Variants in LMTK3 observed in about 807,000 individuals in gnomAD.
The protein encoded by LMTK3 is serine/threonine-protein kinase LMTK3.
LMTK3 carries 27 observed loss-of-function variants against 116.7 expected under a neutral mutation model. The ratio of observed to expected loss-of-function variants is 0.23; its 90% confidence interval spans 0.17 to 0.32. The LOEUF (loss-of-function observed/expected upper bound fraction) is 0.32. LMTK3 is among the 10% of genes least tolerant of loss of function. LMTK3 has a pLI of 1.00. For synonymous variants in LMTK3, 965 were observed against 971.0 expected, an observed-to-expected ratio of 0.99 and a Z score of 0.11; for missense variants, 1,764 against 2,068.5, an observed-to-expected ratio of 0.85 and a Z score of 2.86.
rs1277634640 is a variant in LMTK3 at position 48,499,364 on chromosome 19, C to T, written c.1705G>A (p.Ala569Thr). The T allele has an allele frequency of 2.1e-6, 3 of 1,422,766 alleles. No homozygotes were observed. In the Admixed American group the frequency reaches 8.9e-5, roughly 42 times the overall value. The allele number at this position is 1,422,766 out of a possible 1,614,324, so 88.1% of individuals were successfully genotyped here. A position where few individuals can be genotyped will look rare whatever the true frequency, so the allele number is the denominator to read the frequency against. Residue 569 changes from alanine (A) to threonine (T), a missense_variant, in exon 11 of 15, where the codon GCC (alanine) becomes ACC (threonine). This residue lies in a region of LMTK3 where 1,028 missense variants were observed against 1,050.6 expected (regional missense o/e 0.98). Transcript: ENST00000600059. ...PLDPGVPAPQ[A>T]PQAPSEVPQL... ...GGGACCTCGGAGGGGGCCTGGGGGG[C>T]CTGAGGGGCGGGCACTCCTGGGTCC...
Position 48,498,892 on chromosome 19 carries a change from GC to G in LMTK3, c.2176del (p.Ala726ProfsTer132). 8.4e-7 allele frequency: 1 copy of G among 1,186,526 alleles called. No homozygotes were observed. Among genetic ancestry groups the G allele is most frequent in the African/African-American group, 1.6e-5 (1 of 62,078 alleles). 73.5% of individuals were successfully genotyped at this position (1,186,526 alleles called of 1,614,324 possible). On this transcript the variant is annotated frameshift_variant, in exon 11 of 15. Coordinates refer to ENST00000600059, the MANE Select transcript of LMTK3 (RefSeq NM_001388485.1). LOFTEE classifies it high-confidence loss of function. ...GTCCAGAAACTCGGGGGGGGCCGAG[GC>G]GGGGGGGGCCATGGGCAAGTCGGCC... ...SLADLPMAPP[A>X]SAPPEFLDPL...
intron 4 of LMTK3, 63 bp from the exon 5 acceptor site, chr19:48,509,032 G>T: frequency 9.0e-7 from 1 of 1,116,078 alleles, no homozygotes; most frequent in Non-Finnish European, 1.3e-6. Flanking sequence ...CCTGGGACCA[G>T]CTCCACTCCA....
In LMTK3 at chr19:48,489,874, C is replaced by T. The variant is rs145124888; in HGVS notation, c.4366+1234G>A. Among the ~76,000 whole-genome samples the T allele has an allele frequency of 3.3e-5, 5 of 152,300 alleles. No homozygotes were observed. The East Asian group carries it at 9.7e-4, about 29-fold the overall frequency. ...CTACCTTAGCTCTGATACCGGGGAG[C>T]ACCACCTGTCCTGCCGAGCTGGGCA... On this transcript the variant is annotated intron_variant, in intron 14 of 14. Coordinates refer to ENST00000600059, the MANE Select transcript of LMTK3 (RefSeq NM_001388485.1).
At chr19:48,502,397 TTAG>T (rs780292630) in intron 7 of LMTK3, 33 bp downstream of exon 7, 3 of 1,539,374 alleles carry the variant, frequency 1.9e-6, no homozygotes, top group Non-Finnish European at 2.6e-6. Context: ...CCCCTTCCCC[TTAG>T]TAGCTCCTCC....
chr19:48,496,430 C>G (rs1363065603), intron 11 of LMTK3, among the ~76,000 whole-genome samples: 1 of 152,080 alleles, frequency 6.6e-6, no homozygotes, highest in Non-Finnish European at 1.5e-5. Context: ...TTCCGAGTAG[C>G]TGGGATTATA....
At position 48,495,722 on chromosome 19, in the gene LMTK3, G is replaced by A. The variant is rs191033071; in HGVS notation, c.3677-1613C>T. 3.3e-3 allele frequency among the ~76,000 whole-genome samples: 501 copies of A among 152,326 alleles called. 6 individuals are homozygous for A. Among genetic ancestry groups the A allele is most frequent in the African/African-American group, 0.011 (474 of 41,568 alleles). Reference sequence around the variant, plus strand: ...ACTGTTTCCTCAAGTGTGGCTGTGAGGTTGCCAATATAAAACAGGACCCAG... The same window carrying A: ...ACTGTTTCCTCAAGTGTGGCTGTGAAGTTGCCAATATAAAACAGGACCCAG... On this transcript the variant is annotated intron_variant, in intron 11 of 14. Transcript: ENST00000600059.
At position 48,499,321 on chromosome 19, in the gene LMTK3, G is replaced by C. The variant is rs1179201557; in HGVS notation, c.1748C>G (p.Thr583Ser). Residue 583 changes from threonine to serine, a missense_variant, in exon 11 of 15, where the codon ACC (threonine) becomes AGC (serine). This residue lies in a region of LMTK3 where 1,028 missense variants were observed against 1,050.6 expected (regional missense o/e 0.98). Transcript: ENST00000600059. ...PSEVPQLVSE[T>S]WASPLFPAPR... ...CGCAGGGAAGAGGGGGGAGGCCCAG[G>C]TCTCGGACACCAGCTGGGGGACCTC... The C allele has an allele frequency of 1.4e-6, 2 of 1,419,950 alleles. No homozygotes were observed. Among genetic ancestry groups the C allele is most frequent in the Non-Finnish European group, 1.8e-6 (2 of 1,084,716 alleles). 88.0% of individuals were successfully genotyped at this position (1,419,950 alleles called of 1,614,324 possible).
chr19:48,498,087 C>T lies in LMTK3; in HGVS notation c.2982G>A (p.Leu994=). Residue 994 remains leucine, a synonymous_variant, in exon 11 of 15, where the codon CTG becomes CTA. Coordinates refer to ENST00000600059, the MANE Select transcript of LMTK3 (RefSeq NM_001388485.1). ...CCTTGTCCTCGCTCTTTGGGGGTGT[C>T]AGGCCCCCATTCACCAGCACCTTCT... The part of the protein sequence containing the change: ...AGEKVLVNGG[L]TPPKSEDKVS... 1 of 1,613,188 alleles carries T rather than the reference C, an allele frequency of 6.2e-7. No individual in the cohort carries two copies. Among genetic ancestry groups the T allele is most frequent in the Non-Finnish European group, 8.5e-7 (1 of 1,179,820 alleles).
At position 48,498,591 on chromosome 19, in the gene LMTK3, C is replaced by T; in HGVS notation, c.2478G>A (p.Glu826=). 1.9e-6 allele frequency: 3 copies of T among 1,550,648 alleles called. No individual in the cohort carries two copies. The highest frequency in any genetic ancestry group is 2.6e-6 in the Non-Finnish European group (3 of 1,147,328). ...EGVPRPRAPP[E]PPDPGAPRPP... ...GCCGGGGCGCTCCTGGGTCGGGTGG[C>T]TCGGGGGGAGCCCGCGGCCGAGGGA... Residue 826 remains glutamate, a synonymous_variant, in exon 11 of 15, where the codon GAG becomes GAA. Coordinates refer to ENST00000600059, the MANE Select transcript of LMTK3 (RefSeq NM_001388485.1).
In LMTK3 at chr19:48,497,158, C is replaced by T. The variant is rs1384284039; in HGVS notation, c.3676+235G>A. 1.3e-5 allele frequency among the ~76,000 whole-genome samples: 2 copies of T among 152,204 alleles called. No homozygotes were observed. Among genetic ancestry groups the T allele is most frequent in the Non-Finnish European group, 2.9e-5 (2 of 68,038 alleles). On this transcript the variant is annotated intron_variant, in intron 11 of 14. Coordinates refer to ENST00000600059, the MANE Select transcript of LMTK3 (RefSeq NM_001388485.1). The surrounding 1 kb of genome is among the most constrained non-coding windows in gnomAD (Gnocchi z 5.7). ...GCAACCCTATGACGTAGGTTCTATC[C>T]CTGCCATCCGTTTTTGGCAGATGGG...
rs137918767 is a variant in LMTK3 at position 48,510,663 on chromosome 19, C to G, written c.77-71G>C. The G allele has an allele frequency of 2.9e-3, 4,226 of 1,457,842 alleles. 9 individuals are homozygous for G. Among genetic ancestry groups the G allele is most frequent in the Non-Finnish European group, 3.5e-3 (3,836 of 1,101,832 alleles). 90.3% of individuals were successfully genotyped at this position (1,457,842 alleles called of 1,614,324 possible). Reference sequence around the variant, plus strand: ...ATACCGGAATCATGCCCCCTCCCGTCCCGGCACGTCTTGGACTACAACTCC... The same window carrying G: ...ATACCGGAATCATGCCCCCTCCCGTGCCGGCACGTCTTGGACTACAACTCC... On this transcript the variant is annotated intron_variant, in intron 1 of 14. Transcript: ENST00000600059.
rs183759176 is a variant in LMTK3 at position 48,502,643 on chromosome 19, G to A, written c.646-62C>T. 7.8e-4 allele frequency: 1,175 copies of A among 1,496,954 alleles called. 13 individuals carry two copies. In the African/African-American group the frequency reaches 0.014, roughly 18 times the overall value. The allele number at this position is 1,496,954 out of a possible 1,614,324, so 92.7% of individuals were successfully genotyped here. A position where few individuals can be genotyped will look rare whatever the true frequency, so the allele number is the denominator to read the frequency against. ...GCTCAGGTCTCCAGCTAGTCGGCCC[G>A]GAGGCTGGAATGGCTTCTGCTGTCA... On this transcript the variant is annotated intron_variant, in intron 6 of 14. Transcript: ENST00000600059.
chr19:48,507,577 A>G (rs554140331), intron 5 of LMTK3, among the ~76,000 whole-genome samples: 2 of 152,260 alleles, frequency 1.3e-5, no homozygotes, highest in East Asian at 3.9e-4. Flanking sequence ...ATGTGTTTTT[A>G]ATTTGATTGC....
chr19:48,494,015 G>GTCCGCGCCC lies in LMTK3; in HGVS notation c.3762_3770dup (p.Glu1254_Ala1256dup). The GTCCGCGCCC allele has an allele frequency of 3.5e-6, 4 of 1,127,578 alleles. No individual in the cohort carries two copies. The highest frequency in any genetic ancestry group is 4.3e-6 in the Non-Finnish European group (4 of 924,264). The allele number at this position is 1,127,578 out of a possible 1,614,324, so 69.8% of individuals were successfully genotyped here. On this transcript the variant is annotated inframe_insertion, in exon 12 of 15. Coordinates refer to ENST00000600059, the MANE Select transcript of LMTK3 (RefSeq NM_001388485.1). The surrounding 1 kb of genome is among the most constrained non-coding windows in gnomAD (Gnocchi z 4.0). ...CGGCCTCCCCGCCAGCCGCCCCGGC[G>GTCCGCGCCC]TCCGCGCCCTCCCACGGGGGCCGCC...
At chr19:48,485,906 C>T in intron 14 of LMTK3, 117 bp from the exon 15 acceptor site, 1 of 1,035,926 alleles carries the variant, frequency 9.7e-7, no homozygotes, top group South Asian at 1.6e-5. Flanking sequence ...AAGATCTGCT[C>T]TGTTCCCTCT....
At position 48,499,089 on chromosome 19, in the gene LMTK3, G is replaced by A; in HGVS notation, c.1980C>T (p.Gly660=). 6.4e-7 allele frequency: 1 copy of A among 1,550,492 alleles called. No individual in the cohort carries two copies. Among genetic ancestry groups the A allele is most frequent in the Non-Finnish European group, 8.7e-7 (1 of 1,153,276 alleles). Residue 660 remains glycine (G), a synonymous_variant, in exon 11 of 15, where the codon GGC becomes GGT. Transcript: ENST00000600059. The part of the protein sequence containing the change: ...PGEDSSSLGG[G]PSRRGPLPCP... ...AGGGTAGGGGACCCCGGCGGCTTGG[G>A]CCACCTCCAAGGCTGCTGCTGTCTT...
At chr19:48,496,063 C>G (rs1177868762) in intron 11 of LMTK3, among the ~76,000 whole-genome samples, 1 of 152,172 alleles carries the variant, frequency 6.6e-6, no homozygotes, top group South Asian at 2.1e-4. Context: ...TGGATAGATG[C>G]CTTAGCTTAC....
chr19:48,495,755 T>C (rs903845455), intron 11 of LMTK3, among the ~76,000 whole-genome samples: 4 of 152,392 alleles, frequency 2.6e-5, no homozygotes, highest in African/African-American at 4.8e-5. Context: ...CAGCCACTTA[T>C]AACTTTCATA....
In LMTK3 at chr19:48,499,826, G is replaced by T. The variant is rs760128873; in HGVS notation, c.1243C>A (p.Arg415=). 2.5e-5 allele frequency: 39 copies of T among 1,569,208 alleles called. 1 individual carries two copies. In the South Asian group the frequency reaches 4.6e-4, roughly 18 times the overall value. Residue 415 remains arginine, a synonymous_variant, in exon 11 of 15, where the codon CGG becomes AGG. Coordinates refer to ENST00000600059, the MANE Select transcript of LMTK3 (RefSeq NM_001388485.1). ...QLQLTYLLSE[R]PPRPPPPPPP... ...GGCGGCGGTGGGGGCCGGGGAGGCC[G>T]CTCGGAGAGCAAGTAGGTGAGCTGC...
Sources: allele counts gnomAD v4.1 joint callset (sites outside exome capture counted in the v4.1 genomes callset), GRCh38; gene constraint gnomAD v4.1.1; regional missense constraint gnomAD v4.1.1; non-coding constraint Gnocchi (gnomAD v3.1); transcripts MANE v1.5; gene names NCBI Gene and HGNC (gene_info 2026-07-23, HGNC 2026-07-21).